The following DGKH variants were observed in gnomAD, a reference collection of about 807,000 sequenced individuals.
DGKH encodes DAG kinase eta.
In DGKH, 90 loss-of-function variants were observed where a neutral mutation model predicts 159.3. The observed-to-expected ratio is 0.57, with a 90% confidence interval of 0.48 to 0.67. The LOEUF is 0.67. DGKH is among the 30% of genes least tolerant of loss of function. The probability of loss-of-function intolerance (pLI) is 0.00; values close to 1 mark genes in which losing one functional copy is unlikely to be tolerated. For synonymous variants in DGKH, 536 were observed against 553.8 expected (o/e 0.97, Z 0.45); for missense variants, 1,181 against 1,506.1 (o/e 0.78, Z 3.57).
At chr13:42,169,106 T>G (rs948349326) in intron 11 of DGKH, among the ~76,000 whole-genome samples, 3 of 152,206 alleles carry the variant, frequency 2.0e-5, no homozygotes, top group African/African-American at 7.2e-5. Flanking sequence ...CTATTTACTT[T>G]TAATTGCAGT....
intron 13 of DGKH, chr13:42,181,747 C>T (rs1956770150): frequency 2.6e-6 from 2 of 765,046 alleles, no homozygotes; most frequent in Non-Finnish European, 3.9e-6. Context: ...GCAGTGGTTG[C>T]CATCTGGACC....
intron 5 of DGKH, among the ~76,000 whole-genome samples, chr13:42,156,261 G>A (rs1026171019): frequency 1.3e-5 from 2 of 151,434 alleles, no homozygotes; most frequent in African/African-American, 2.4e-5. Flanking sequence ...GTTTTGTTTC[G>A]AGAAGGGGTC....
At chr13:42,162,701 G>A (rs1463211406) in intron 7 of DGKH, among the ~76,000 whole-genome samples, 1 of 150,562 alleles carries the variant, frequency 6.6e-6, no homozygotes, top group East Asian at 2.0e-4. Context: ...CCACTTGGGA[G>A]GCTGAGGCAG....
chr13:42,073,502 G>A (rs542562466), intron 1 of DGKH, among the ~76,000 whole-genome samples: 6 of 152,174 alleles, frequency 3.9e-5, no homozygotes, highest in Non-Finnish European at 7.4e-5. Context: ...TACAGTACTC[G>A]ATAAATTATA....
At chr13:42,077,980 A>G (rs1044895532) in intron 1 of DGKH, among the ~76,000 whole-genome samples, 3 of 152,238 alleles carry the variant, frequency 2.0e-5, no homozygotes, top group Non-Finnish European at 4.4e-5. Flanking sequence ...ATGGAAAAGT[A>G]AAAAGAAGAT....
At chr13:42,191,367 A>G (rs1006724169) in intron 16 of DGKH, among the ~76,000 whole-genome samples, 15 of 152,314 alleles carry the variant, frequency 9.8e-5, no homozygotes, top group South Asian at 2.1e-4. Context: ...GAGGGTAGGA[A>G]TGGTAGAAAA....
intron 13 of DGKH, among the ~76,000 whole-genome samples, chr13:42,180,515 A>G (rs1956723270): frequency 6.6e-6 from 1 of 152,284 alleles, no homozygotes; most frequent in Non-Finnish European, 1.5e-5. Flanking sequence ...TATAAATGAC[A>G]GAGGGCTGTA....
At chr13:42,204,003 AATGGACATTAAGCATTTAGATTTAG>A (rs1957403116) in intron 20 of DGKH, among the ~76,000 whole-genome samples, 1 of 152,218 alleles carries the variant, frequency 6.6e-6, no homozygotes, top group Admixed American at 6.5e-5. Context: ...GACTCTATGA[AATGGACATTAAGCATTTAGATTTAG>A]ATGTGTTGCT....
chr13:42,060,217 T>C (rs1189802561), intron 1 of DGKH, among the ~76,000 whole-genome samples: 1 of 152,220 alleles, frequency 6.6e-6, no homozygotes, highest in Non-Finnish European at 1.5e-5. Flanking sequence ...AGTTCTCTTA[T>C]CTTTCTTACT....
rs1327370896 is a variant in DGKH, at chr13:42,221,289, T to G, written c.3468T>G (p.Val1156=). 6.2e-7 allele frequency: 1 copy of G among 1,613,610 alleles called. No homozygotes were observed. Among genetic ancestry groups the G allele is most frequent in the East Asian group, 2.2e-5 (1 of 44,896 alleles). ...QPVQKWGTEE[V]AAWLDLLNLG... Reference sequence around the variant, plus strand: ...TTCAGAAATGGGGCACAGAGGAAGTTGCTGCTTGGCTGGATCTGCTCAATT... The same window carrying G: ...TTCAGAAATGGGGCACAGAGGAAGTGGCTGCTTGGCTGGATCTGCTCAATT... The change falls in exon 29 of 30, where the codon GTT becomes GTG. Residue 1156 remains valine (V), a synonymous_variant. Transcript: ENST00000337343.
intron 29 of DGKH, among the ~76,000 whole-genome samples, chr13:42,250,105 G>A (rs1256363573): frequency 6.6e-6 from 1 of 151,722 alleles, no homozygotes; most frequent in Non-Finnish European, 1.5e-5. Context: ...CGAGTAGCTG[G>A]GACTACAGGC....
chr13:42,098,606 T>C (rs1335924103), intron 1 of DGKH, among the ~76,000 whole-genome samples: 1 of 152,356 alleles, frequency 6.6e-6, no homozygotes, highest in African/African-American at 2.4e-5. Flanking sequence ...TTCTTAAGTA[T>C]ATGATTCTTC....
chr13:42,190,489 G>A lies in DGKH; in HGVS notation c.1999G>A (p.Glu667Lys). The part of the protein sequence containing the change: ...DSTETDESKE[E>K]AKDDGAKESI... ...CACAGAAACAGATGAATCTAAGGAG[G>A]AAGCTAAAGATGATGGTGCCAAAGA... Residue 667 changes from glutamate (E) to lysine (K), a missense_variant, in exon 16 of 30, where the codon GAA becomes AAA. Glu to Lys is a moderately conservative substitution (Grantham distance 56). Transcript: ENST00000337343. The A allele has an allele frequency of 6.2e-7, 1 of 1,606,646 alleles. No homozygotes were observed. Among genetic ancestry groups the A allele is most frequent in the Non-Finnish European group, 8.5e-7 (1 of 1,177,388 alleles).
At chr13:42,168,395 G>T in intron 9 of DGKH, 45 bp from the exon 10 acceptor site, 1 of 1,522,386 alleles carries the variant, frequency 6.6e-7, no homozygotes, top group Admixed American at 1.8e-5. Context: ...TGAGGAAAGT[G>T]ATTTTTATTT....
At chr13:42,174,447 A>T (rs188044141) in intron 12 of DGKH, among the ~76,000 whole-genome samples, 1 of 152,232 alleles carries the variant, frequency 6.6e-6, no homozygotes, top group Non-Finnish European at 1.5e-5. Flanking sequence ...GATGTAACAG[A>T]TGTGTAAAGC....
In DGKH at chr13:42,236,880, G is replaced by A. The variant is rs1305010574; in HGVS notation, c.*7692G>A. On this transcript the variant is annotated 3_prime_UTR_variant, in exon 30 of 30. Coordinates refer to ENST00000337343, the MANE Select transcript of DGKH (RefSeq NM_178009.5). The stretch of plus-strand genomic sequence containing the variant: ...ATCTCGCCACTGCACTCCAGCCTGG[G>A]CGACAGAGCGAGACTCTGTCTCAGG... The A allele has an allele frequency of 1.3e-5, 2 of 152,178 alleles. No individual in the cohort carries two copies. Among genetic ancestry groups the A allele is most frequent in the Admixed American group, 6.6e-5 (1 of 15,256 alleles). The allele number at this position is 152,178 out of a possible 1,614,324, so 9.4% of individuals were successfully genotyped here.
chr13:42,052,363 C>T (rs1404205743), intron 1 of DGKH, among the ~76,000 whole-genome samples: 2 of 152,094 alleles, frequency 1.3e-5, no homozygotes, highest in African/African-American at 4.8e-5. Context: ...GAACTTTTTC[C>T]TTTCTCTGAA....
chr13:42,134,039 T>C (rs1955347174), intron 3 of DGKH, among the ~76,000 whole-genome samples: 1 of 152,210 alleles, frequency 6.6e-6, no homozygotes, highest in African/African-American at 2.4e-5. Context: ...CTCCTCTTGC[T>C]GAAGTTTCTA....
At chr13:42,179,972 T>C (rs776125826) in intron 13 of DGKH, among the ~76,000 whole-genome samples, 53 of 152,142 alleles carry the variant, frequency 3.5e-4, no homozygotes, top group Non-Finnish European at 5.4e-4. Flanking sequence ...TGAAAGGTAG[T>C]GATCAAACAC....
Sources: allele counts gnomAD v4.1 joint callset (sites outside exome capture counted in the v4.1 genomes callset), GRCh38; gene constraint gnomAD v4.1.1; transcripts MANE v1.5; gene names NCBI Gene and HGNC (gene_info 2026-07-23, HGNC 2026-07-21).